CSMD1: variants seen among roughly 807,000 people sequenced by gnomAD.
CSMD1 encodes the protein CUB and Sushi multiple domains 1.
In CSMD1, 213 loss-of-function variants were observed where a neutral mutation model predicts 417.5. That is an observed-to-expected ratio of 0.51 (90% CI 0.46 to 0.57). The LOEUF (loss-of-function observed/expected upper bound fraction) is 0.57. Among genes scored for constraint, CSMD1 ranks in the 20% least tolerant of loss-of-function variants. The pLI is 0.00. For missense variants in CSMD1, 6,923 were observed against 4,529.7 expected, an observed-to-expected ratio of 1.53 and a Z score of -15.17; for synonymous variants, 2,862 against 1,736.8, an observed-to-expected ratio of 1.65 and a Z score of -16.11.
chr8:4,499,896 T>A (rs1585170141), intron 2 of CSMD1, among the ~76,000 whole-genome samples: 1 of 152,216 alleles, frequency 6.6e-6, no homozygotes, highest in Non-Finnish European at 1.5e-5. Flanking sequence ...ATTGTATTCA[T>A]TGCCACAGAT....
chr8:4,283,142 T>C (rs537440486), intron 3 of CSMD1, among the ~76,000 whole-genome samples: 97 of 152,308 alleles, frequency 6.4e-4, no homozygotes, highest in African/African-American at 2.3e-3. Flanking sequence ...AAACACTCAA[T>C]TGTTGGTTTT....
chr8:3,982,882 T>C (rs1260686081), intron 5 of CSMD1, among the ~76,000 whole-genome samples: 1 of 152,200 alleles, frequency 6.6e-6, no homozygotes, highest in East Asian at 1.9e-4. Flanking sequence ...ACCATTAGCG[T>C]TTCCTACCCT....
At chr8:4,211,299 TCTTTA>T (rs1266773836) in intron 3 of CSMD1, among the ~76,000 whole-genome samples, 3 of 152,202 alleles carry the variant, frequency 2.0e-5, no homozygotes, top group Non-Finnish European at 4.4e-5. Flanking sequence ...TTGGTTCTTT[TCTTTA>T]ATCTGCTATC....
At chr8:3,729,723 C>G (rs1305357808) in intron 6 of CSMD1, among the ~76,000 whole-genome samples, 1 of 151,936 alleles carries the variant, frequency 6.6e-6, no homozygotes. Flanking sequence ...TCACTTCCAC[C>G]AAAGCTCAGA....
In CSMD1 at chr8:3,906,480, A is replaced by C. The variant is rs57780796; in HGVS notation, c.818+91423T>G. ...TGAATTCTGAAAAGACATAATGGAC[A>C]AAGTGTATCCGATAAGAGAATGAAA... is the stretch of plus-strand genomic sequence containing the variant. On this transcript the variant is annotated intron_variant, in intron 5 of 69. Coordinates refer to ENST00000635120, the MANE Select transcript of CSMD1 (RefSeq NM_033225.6). Among the ~76,000 whole-genome samples, 205 of 152,304 alleles carry C rather than the reference A, an allele frequency of 1.3e-3. 1 individual carries two copies. Among genetic ancestry groups the C allele is most frequent in the African/African-American group, 4.7e-3 (196 of 41,572 alleles).
chr8:4,206,835 T>C (rs910042396), intron 3 of CSMD1, among the ~76,000 whole-genome samples: 1 of 152,228 alleles, frequency 6.6e-6, no homozygotes. Flanking sequence ...GTGATTATTT[T>C]GTGGGCTCCT....
intron 41 of CSMD1, among the ~76,000 whole-genome samples, chr8:3,120,373 C>G (rs933041812): frequency 1.3e-5 from 2 of 152,162 alleles, no homozygotes; most frequent in African/African-American, 4.8e-5. Flanking sequence ...CCAGGCAACG[C>G]AATATGTGGG....
chr8:4,750,929 G>C (rs368855315), intron 1 of CSMD1, among the ~76,000 whole-genome samples: 1 of 152,176 alleles, frequency 6.6e-6, no homozygotes, highest in Non-Finnish European at 1.5e-5. Flanking sequence ...CCATTGCCTG[G>C]CATAATGTTG....
intron 5 of CSMD1, among the ~76,000 whole-genome samples, chr8:3,839,311 A>T (rs1230879508): frequency 4.1e-5 from 5 of 122,712 alleles, no homozygotes; most frequent in Non-Finnish European, 7.9e-5. Flanking sequence ...TATATATACT[A>T]TTAATATATA....
intron 10 of CSMD1, among the ~76,000 whole-genome samples, chr8:3,535,282 G>A (rs959178934): frequency 7.9e-5 from 12 of 152,068 alleles, no homozygotes; most frequent in African/African-American, 2.2e-4. Context: ...AGACGACACT[G>A]AAATAGTTAT....
rs960188578 is a variant in CSMD1, at chr8:3,931,602, T to C, written c.818+66301A>G. Among the ~76,000 whole-genome samples the C allele has an allele frequency of 8.0e-5, 12 of 149,822 alleles. 1 individual carries two copies. Among genetic ancestry groups the C allele is most frequent in the African/African-American group, 2.7e-4 (11 of 40,586 alleles). ...CAGTGCCATGAATTGCCTCAAATCA[T>C]TGCGCCAAGAGTTAGAGACAGAGAA... is the stretch of plus-strand genomic sequence containing the variant. On this transcript the variant is annotated intron_variant, in intron 5 of 69. Coordinates refer to ENST00000635120, the MANE Select transcript of CSMD1 (RefSeq NM_033225.6).
rs575932100 is a variant in CSMD1, at chr8:3,241,264, T to G, written c.4154-11033A>C. 4.7e-3 allele frequency among the ~76,000 whole-genome samples: 713 copies of G among 150,114 alleles called. 8 individuals carry two copies. Among genetic ancestry groups the G allele is most frequent in the African/African-American group, 0.017 (688 of 41,128 alleles). ...GTATTGTCTAAGCTGGCACCAGAGT[T>G]GGGGAGTTTTAAGAGGTTTAGAAGC... On this transcript the variant is annotated intron_variant, in intron 26 of 69. Transcript: ENST00000635120.
intron 1 of CSMD1, among the ~76,000 whole-genome samples, chr8:4,989,287 A>C (rs544463147): frequency 1.3e-5 from 2 of 152,306 alleles, no homozygotes; most frequent in Non-Finnish European, 2.9e-5. Flanking sequence ...AAAAGAAAAA[A>C]AAAAATCTGC....
chr8:4,692,690 T>C (rs998064439), intron 1 of CSMD1, among the ~76,000 whole-genome samples: 1 of 152,160 alleles, frequency 6.6e-6, no homozygotes, highest in Non-Finnish European at 1.5e-5. Flanking sequence ...ATTTTATAAC[T>C]GAAAAGTCCT....
At chr8:4,098,973 G>C (rs926815997) in intron 3 of CSMD1, among the ~76,000 whole-genome samples, 1 of 152,132 alleles carries the variant, frequency 6.6e-6, no homozygotes, top group Non-Finnish European at 1.5e-5. Flanking sequence ...TTTCAAAGAG[G>C]TAAGAATACA....
chr8:3,958,519 C>T (rs1258769084), intron 5 of CSMD1, among the ~76,000 whole-genome samples: 1 of 152,004 alleles, frequency 6.6e-6, no homozygotes, highest in Non-Finnish European at 1.5e-5. Flanking sequence ...GAAATGCATT[C>T]TTCTGGGTTT....
At chr8:3,638,698 G>A (rs530135581) in intron 7 of CSMD1, among the ~76,000 whole-genome samples, 3 of 152,226 alleles carry the variant, frequency 2.0e-5, no homozygotes, top group East Asian at 3.9e-4. Context: ...GTCGACACAT[G>A]GGCAAAAGGC....
chr8:4,435,433 C>G (rs560985851), intron 2 of CSMD1, among the ~76,000 whole-genome samples: 2 of 152,306 alleles, frequency 1.3e-5, no homozygotes, highest in East Asian at 1.9e-4. Context: ...CAGAGTTTGT[C>G]TAGTTTTGTT....
At chr8:4,003,075 A>T (rs1392604942) in intron 4 of CSMD1, among the ~76,000 whole-genome samples, 1 of 152,184 alleles carries the variant, frequency 6.6e-6, no homozygotes, top group Non-Finnish European at 1.5e-5. Context: ...GATATTATTT[A>T]TACTTACTTG....
Sources: gnomAD v4.1 joint callset for allele counts (sites outside exome capture counted in the v4.1 genomes callset) on GRCh38, gnomAD v4.1.1 for gene constraint, MANE v1.5 for transcripts, NCBI Gene and HGNC (gene_info 2026-07-23, HGNC 2026-07-21) for gene names.